Variants in SMG6 observed in about 807,000 individuals in gnomAD.
The protein encoded by SMG6 is telomerase-binding protein EST1A.
Under a neutral mutation model 142.2 loss-of-function variants are expected in SMG6, and 66 were observed. The observed-to-expected ratio is 0.46, with a 90% CI of 0.38 to 0.57. The LOEUF is 0.57. SMG6 is among the 20% of genes least tolerant of loss of function. The pLI, the probability that SMG6 is intolerant of heterozygous loss-of-function variation, is 0.00. For synonymous variants in SMG6, 779 were observed against 702.4 expected (o/e 1.11, Z -1.72); for missense variants, 1,793 against 1,832.0 (o/e 0.98, Z 0.39).
rs188335364 is a variant in SMG6 at position 2,152,209 on chromosome 17, T to G, written c.3357+20449A>C. ...GACAGGAGAAAGAACTGAAAAAAGC[T>G]TCAGAAATCTGTCTGGACAATTCAG... On this transcript the variant is annotated intron_variant, in intron 13 of 18. Transcript: ENST00000263073. Among the ~76,000 whole-genome samples, 6 of 152,312 alleles carry G rather than the reference T, an allele frequency of 3.9e-5. No individual in the cohort carries two copies. The East Asian group carries it at 1.2e-3, about 29-fold the overall frequency.
chr17:2,132,312 G>A (rs1053327940), intron 13 of SMG6, among the ~76,000 whole-genome samples: 3 of 152,186 alleles, frequency 2.0e-5, no homozygotes, highest in African/African-American at 7.2e-5. Context: ...TAAATAGTAA[G>A]TGTTCAATAA....
At chr17:2,127,292 TGAA>T in intron 13 of SMG6, 1 of 406,920 alleles carries the variant, frequency 2.5e-6, no homozygotes, top group South Asian at 2.1e-5. Flanking sequence ...TTTGGAATGA[TGAA>T]GAGTTCTGGA....
At chr17:2,207,407 T>A (rs2072721553) in intron 10 of SMG6, among the ~76,000 whole-genome samples, 1 of 152,178 alleles carries the variant, frequency 6.6e-6, no homozygotes, top group Admixed American at 6.5e-5. Context: ...TGCAGTTGTT[T>A]AGTCAACATT....
At chr17:2,139,178 C>A (rs1248922752) in intron 13 of SMG6, among the ~76,000 whole-genome samples, 1 of 152,180 alleles carries the variant, frequency 6.6e-6, no homozygotes, top group Non-Finnish European at 1.5e-5. Flanking sequence ...TTGGGAGTGA[C>A]TACAGAGGCA....
chr17:2,151,717 C>T (rs2070830651), intron 13 of SMG6, among the ~76,000 whole-genome samples: 1 of 152,204 alleles, frequency 6.6e-6, no homozygotes, highest in Non-Finnish European at 1.5e-5. Context: ...CTTCTCTTGA[C>T]TTTTATCCAA....
intron 13 of SMG6, among the ~76,000 whole-genome samples, chr17:2,107,119 G>T (rs2069176862): frequency 6.6e-6 from 1 of 152,186 alleles, no homozygotes. Flanking sequence ...GCCTCCCAAA[G>T]TGCTGGGATT....
intron 8 of SMG6, among the ~76,000 whole-genome samples, chr17:2,275,861 C>T (rs1384920829): frequency 6.6e-6 from 1 of 152,080 alleles, no homozygotes; most frequent in African/African-American, 2.4e-5. Flanking sequence ...GGATGTTCAA[C>T]CCAAACCACA....
Position 2,071,870 on chromosome 17 carries a change from CTG to C in SMG6, c.3682-2941_3682-2940del, listed in dbSNP as rs145983395. On this transcript the variant is annotated intron_variant, in intron 15 of 18. Coordinates refer to ENST00000263073, the MANE Select transcript of SMG6 (RefSeq NM_017575.5). This position sits in a 1 kb window ranked among gnomAD's most constrained non-coding sequence, Gnocchi z 5.6. ...CATTTCCGGCCCTTTCTGAGTGGCG[CTG>C]TGTGTGTGTGTGTGTTTAGCATCTG... 1.7e-4 allele frequency: 26 copies of C among 150,982 alleles called. No individual in the cohort carries two copies. The highest frequency in any genetic ancestry group is 3.0e-4 in the Non-Finnish European group (20 of 67,610). The allele number at this position is 150,982 out of a possible 1,614,324, so 9.4% of individuals were successfully genotyped here.
At chr17:2,115,736 G>C (rs1467765540) in intron 13 of SMG6, among the ~76,000 whole-genome samples, 1 of 151,982 alleles carries the variant, frequency 6.6e-6, no homozygotes, top group Non-Finnish European at 1.5e-5. Flanking sequence ...TTGCGGGGGA[G>C]GTGGGAAGTC....
intron 13 of SMG6, among the ~76,000 whole-genome samples, chr17:2,091,298 G>A (rs1205025895): frequency 6.6e-6 from 1 of 152,242 alleles, no homozygotes; most frequent in African/African-American, 2.4e-5. Flanking sequence ...CTCCTGGCAG[G>A]AAGCAGACTC....
intron 15 of SMG6, among the ~76,000 whole-genome samples, chr17:2,081,413 C>T (rs912000277): frequency 4.6e-5 from 7 of 152,132 alleles, no homozygotes; most frequent in East Asian, 3.8e-4. Context: ...TGTGGCCATG[C>T]CATCCTCTCC....
rs552103042 is a variant in SMG6 at position 2,115,545 on chromosome 17, A to C, written c.3358-29644T>G. ...ACAGTATAGAAATAGACCCAAACAT[A>C]TATAATCATCTGACTTATGACATGG... On this transcript the variant is annotated intron_variant, in intron 13 of 18. Transcript: ENST00000263073. 2.6e-5 allele frequency among the ~76,000 whole-genome samples: 4 copies of C among 152,328 alleles called. No homozygotes were observed. In the South Asian group the frequency reaches 8.3e-4, roughly 32 times the overall value.
At chr17:2,064,935 GGCATACATCA>G (rs2067895060) in intron 18 of SMG6, 128 bp downstream of exon 18, 5 of 663,908 alleles carry the variant, frequency 7.5e-6, no homozygotes, top group Non-Finnish European at 1.0e-5. Flanking sequence ...TTGGGCCTCA[GGCATACATCA>G]GCCCTGAGCA....
At chr17:2,274,135 T>C (rs1194811678) in intron 8 of SMG6, among the ~76,000 whole-genome samples, 3 of 152,270 alleles carry the variant, frequency 2.0e-5, no homozygotes, top group Admixed American at 6.5e-5. Flanking sequence ...ATATTGTCCA[T>C]GGCTACTTTG....
chr17:2,218,318 G>A (rs917281923), intron 10 of SMG6, among the ~76,000 whole-genome samples: 1 of 152,166 alleles, frequency 6.6e-6, no homozygotes, highest in African/African-American at 2.4e-5. Context: ...GGGAGGCTGA[G>A]GTGGGCAGAT....
intron 8 of SMG6, among the ~76,000 whole-genome samples, chr17:2,256,319 G>A (rs2074178703): frequency 6.6e-6 from 1 of 152,044 alleles, no homozygotes; most frequent in Admixed American, 6.5e-5. Context: ...TCATCCACTG[G>A]CAATGGAAAC....
chr17:2,204,710 T>C (rs1466007973), intron 10 of SMG6, among the ~76,000 whole-genome samples: 1 of 152,194 alleles, frequency 6.6e-6, no homozygotes, highest in Admixed American at 6.5e-5. Flanking sequence ...ACGCCTATAA[T>C]TCCAACACTT....
intron 10 of SMG6, among the ~76,000 whole-genome samples, chr17:2,211,983 G>A (rs2072879156): frequency 6.6e-6 from 1 of 152,158 alleles, no homozygotes; most frequent in African/African-American, 2.4e-5. Context: ...AAAACCTGCT[G>A]GAGCTCCAGA....
At chr17:2,135,152 T>C (rs1279828285) in intron 13 of SMG6, among the ~76,000 whole-genome samples, 1 of 152,212 alleles carries the variant, frequency 6.6e-6, no homozygotes, top group Non-Finnish European at 1.5e-5. Context: ...AGTGCTGGGA[T>C]TACAGGCATG....
Sources: gnomAD v4.1 joint callset for allele counts (sites outside exome capture counted in the v4.1 genomes callset) on GRCh38, gnomAD v4.1.1 for gene constraint, Gnocchi (gnomAD v3.1) non-coding constraint, MANE v1.5 for transcripts, NCBI Gene and HGNC (gene_info 2026-07-23, HGNC 2026-07-21) for gene names.